DENND6A: variants seen among roughly 807,000 people sequenced by gnomAD.
DENND6A encodes protein DENND6A.
DENND6A carries 43 observed loss-of-function variants against 95.5 expected under a neutral mutation model. The observed-to-expected ratio is 0.45, with a 90% CI of 0.35 to 0.58. DENND6A has a LOEUF of 0.58. Among genes scored for constraint, DENND6A ranks in the 20% least tolerant of loss-of-function variants. The pLI, the probability that DENND6A is intolerant of heterozygous loss-of-function variation, is 0.00. For synonymous variants in DENND6A, 257 were observed against 260.4 expected, an observed-to-expected ratio of 0.99 and a Z score of 0.13; for missense variants, 574 against 736.0, an observed-to-expected ratio of 0.78 and a Z score of 2.55.
chr3:57,629,025 T>C (rs1369340259), intron 18 of DENND6A, 140 bp from the exon 19 acceptor site: 2 of 588,828 alleles, frequency 3.4e-6, no homozygotes, highest in Non-Finnish European at 5.7e-6. Flanking sequence ...AGCATTATAG[T>C]GCAAGAATAA....
intron 9 of DENND6A, among the ~76,000 whole-genome samples, chr3:57,652,566 G>A (rs571116910): frequency 2.6e-5 from 4 of 152,046 alleles, no homozygotes; most frequent in Non-Finnish European, 4.4e-5. Flanking sequence ...CCTAAGTATT[G>A]GGATAATTTG....
At chr3:57,666,314 A>G in intron 3 of DENND6A, 79 bp from the exon 4 acceptor site, 1 of 1,151,028 alleles carries the variant, frequency 8.7e-7, no homozygotes. Flanking sequence ...TAGAGCTGAA[A>G]AAAATCCTAT....
At chr3:57,628,567 T>C (rs141033414) in intron 19 of DENND6A, among the ~76,000 whole-genome samples, 24 of 152,308 alleles carry the variant, frequency 1.6e-4, no homozygotes, top group African/African-American at 2.4e-4. Context: ...CCTAGAAATA[T>C]AAGTGACAAT....
intron 1 of DENND6A, among the ~76,000 whole-genome samples, chr3:57,686,134 A>C (rs1036960922): frequency 2.0e-5 from 3 of 152,186 alleles, no homozygotes; most frequent in Non-Finnish European, 2.9e-5. Context: ...AAATAGCCTA[A>C]ATTTACCAAG....
intron 1 of DENND6A, among the ~76,000 whole-genome samples, chr3:57,681,964 A>G (rs1376613140): frequency 6.6e-6 from 1 of 152,182 alleles, no homozygotes; most frequent in East Asian, 1.9e-4. Flanking sequence ...TATACACTTT[A>G]GAAGTGTGAA....
At position 57,627,978 on chromosome 3, in the gene DENND6A, T is replaced by C; in HGVS notation, c.*236A>G. On this transcript the variant is annotated 3_prime_UTR_variant, in exon 20 of 20. Transcript: ENST00000311128. ...GAGCACTTTAGAACATGATTAAAAA[T>C]ATAGAAATGCCTTTCGGTGTTTCAG... is the stretch of plus-strand genomic sequence containing the variant. 2.3e-6 allele frequency: 1 copy of C among 435,368 alleles called. No homozygotes were observed. 27.0% of individuals were successfully genotyped at this position (435,368 alleles called of 1,614,324 possible). A position where few individuals can be genotyped will look rare whatever the true frequency, so the allele number is the denominator to read the frequency against.
chr3:57,657,605 T>C (rs1170969763), intron 9 of DENND6A, 75 bp downstream of exon 9: 1 of 979,082 alleles, frequency 1.0e-6, no homozygotes, highest in Non-Finnish European at 1.5e-6. Context: ...CTATATAATA[T>C]TCATTTTTTA....
At chr3:57,692,659 A>G in intron 1 of DENND6A, 123 bp downstream of exon 1, 1 of 869,654 alleles carries the variant, frequency 1.1e-6, no homozygotes, top group Non-Finnish European at 1.6e-6. Context: ...GGGAGGGGAG[A>G]CTGGCCACGC....
intron 1 of DENND6A, among the ~76,000 whole-genome samples, chr3:57,692,243 A>AC (rs1255998074): frequency 6.6e-6 from 1 of 151,708 alleles, no homozygotes; most frequent in African/African-American, 2.4e-5. Flanking sequence ...AAAAAAAAAA[A>AC]AAAAAAACAG....
intron 12 of DENND6A, among the ~76,000 whole-genome samples, chr3:57,636,916 G>A (rs1184722838): frequency 7.5e-6 from 1 of 133,528 alleles, no homozygotes; most frequent in Non-Finnish European, 1.5e-5. Context: ...CAGCCTGGGT[G>A]ACAGAGCGAG....
Position 57,626,211 on chromosome 3 carries a change from G to T in DENND6A, c.*2003C>A, listed in dbSNP as rs557646571. ...AAGAGACTGTATCCATAAGAACAGG[G>T]CACATTTGGGTATTAGACCACAGTT... On this transcript the variant is annotated 3_prime_UTR_variant, in exon 20 of 20. Coordinates refer to ENST00000311128, the MANE Select transcript of DENND6A (RefSeq NM_152678.3). 6.1e-4 allele frequency: 93 copies of T among 152,568 alleles called. No homozygotes were observed. Among genetic ancestry groups the T allele is most frequent in the Non-Finnish European group, 1.0e-3 (70 of 68,024 alleles). 9.5% of individuals were successfully genotyped at this position (152,568 alleles called of 1,614,324 possible). A position where few individuals can be genotyped will look rare whatever the true frequency, so the allele number is the denominator to read the frequency against.
At chr3:57,644,450 T>G (rs374913021) in intron 11 of DENND6A, among the ~76,000 whole-genome samples, 1 of 151,204 alleles carries the variant, frequency 6.6e-6, no homozygotes, top group Admixed American at 6.6e-5. Flanking sequence ...GGACTACAGA[T>G]GCATGCCACC....
intron 1 of DENND6A, chr3:57,679,618 G>A: frequency 1.1e-6 from 1 of 948,818 alleles, no homozygotes; most frequent in Non-Finnish European, 1.3e-6. Flanking sequence ...GTCCTTGTGG[G>A]AAATCATTAG....
rs558797677 is a variant in DENND6A, at chr3:57,672,240, T to C, written c.319+16A>G. ...AGTATAAAATTAAACAGAAACACTGTATGAAAAACAGTTACCTGAATTTGA... is the reference window on the plus strand; with the variant it reads ...AGTATAAAATTAAACAGAAACACTGCATGAAAAACAGTTACCTGAATTTGA... On this transcript the variant is annotated intron_variant, in intron 3 of 19. Coordinates refer to ENST00000311128, the MANE Select transcript of DENND6A (RefSeq NM_152678.3). The C allele has an allele frequency of 6.3e-7, 1 of 1,599,304 alleles. No individual in the cohort carries two copies. The highest frequency in any genetic ancestry group is 1.3e-5 in the African/African-American group (1 of 74,254).
chr3:57,661,749 T>C (rs886278519), intron 5 of DENND6A, among the ~76,000 whole-genome samples, 198 bp from the exon 6 acceptor site: 1 of 152,184 alleles, frequency 6.6e-6, no homozygotes, highest in Non-Finnish European at 1.5e-5. Context: ...TTTAAGAGCA[T>C]AATGGCATGT....
intron 10 of DENND6A, 57 bp downstream of exon 10, chr3:57,646,259 G>A: frequency 6.4e-7 from 1 of 1,566,628 alleles, no homozygotes; most frequent in South Asian, 1.2e-5. Context: ...TCACCAACAG[G>A]TTAAGTACTG....
chr3:57,660,024 C>G (rs563598335), intron 7 of DENND6A, among the ~76,000 whole-genome samples: 1 of 152,208 alleles, frequency 6.6e-6, no homozygotes, highest in East Asian at 1.9e-4. Context: ...TACAGGATGC[C>G]ATGAGATCAG....
chr3:57,634,377 G>A (rs1311124668), intron 14 of DENND6A, among the ~76,000 whole-genome samples, 181 bp downstream of exon 14: 5 of 148,980 alleles, frequency 3.4e-5, no homozygotes, highest in African/African-American at 1.2e-4. Context: ...AGGTTGCAGT[G>A]AGCTGAGATC....
At chr3:57,670,557 G>A (rs1423478343) in intron 3 of DENND6A, among the ~76,000 whole-genome samples, 15 of 152,162 alleles carry the variant, frequency 9.9e-5, no homozygotes, top group Admixed American at 9.2e-4. Flanking sequence ...TCCTGGTATG[G>A]GAAAGGGAAG....
Sources: allele counts gnomAD v4.1 joint callset (sites outside exome capture counted in the v4.1 genomes callset), GRCh38; gene constraint gnomAD v4.1.1; transcripts MANE v1.5; gene names NCBI Gene and HGNC (gene_info 2026-07-23, HGNC 2026-07-21).